Variants in FGF13 observed in about 807,000 individuals in gnomAD.
FGF13 encodes fibroblast growth factor homologous factor 2.
A neutral mutation model predicts 19.5 loss-of-function variants in FGF13; 2 were observed. That is an observed-to-expected ratio of 0.10 (90% confidence interval 0.04 to 0.32). The LOEUF (loss-of-function observed/expected upper bound fraction) is 0.32, where lower values mean the gene tolerates loss of function less well. FGF13 is among the 10% of genes least tolerant of loss of function. The pLI is 1.00. For synonymous variants in FGF13, 72 were observed against 76.9 expected (o/e 0.94, Z 0.33); for missense variants, 113 against 192.7 (o/e 0.59, Z 2.45).
At chrX:139,075,172 A>G in intron 1 of FGF13, among the ~76,000 whole-genome samples, 1 of 112,041 alleles carries the variant, frequency 8.9e-6, no homozygotes, top group East Asian at 2.8e-4. Flanking sequence ...GTAGTAGTCC[A>G]GGATTTGAAC....
At chrX:138,761,834 C>A (rs974218341) in intron 3 of FGF13, among the ~76,000 whole-genome samples, 3 of 111,348 alleles carry the variant, frequency 2.7e-5, no homozygotes, top group Admixed American at 9.6e-5. Flanking sequence ...TCCACGAAAT[C>A]CATCCCCTCC....
At chrX:138,759,804 G>A (rs967324805) in intron 3 of FGF13, among the ~76,000 whole-genome samples, 1 of 111,818 alleles carries the variant, frequency 8.9e-6, no homozygotes, top group Non-Finnish European at 1.9e-5. Context: ...AGCTGTGTAG[G>A]CTTGTTGTGA....
Position 138,844,685 on chromosome X carries a change from C to T in FGF13, c.217+12827G>A, listed in dbSNP as rs764120170. On this transcript the variant is annotated intron_variant, in intron 3 of 6. Transcript: ENST00000436198. Reference sequence around the variant, plus strand: ...CCTTAGACCTCATTCTTTTGGTTTTCCTTCTTTTTCTTCTGGAGTCCTTTC... The same window carrying T: ...CCTTAGACCTCATTCTTTTGGTTTTTCTTCTTTTTCTTCTGGAGTCCTTTC... Among the ~76,000 whole-genome samples the T allele has an allele frequency of 3.6e-5, 4 of 111,506 alleles. No homozygotes were observed. In the South Asian group the frequency reaches 1.5e-3, roughly 42 times the overall value.
intron 1 of FGF13, among the ~76,000 whole-genome samples, chrX:139,174,914 T>G (rs773397542): frequency 8.9e-6 from 1 of 112,121 alleles, no homozygotes; most frequent in Admixed American, 9.4e-5. Context: ...TTAAAGTAGT[T>G]TTTTCTAATT....
At chrX:138,956,812 T>C (rs2091843491) in intron 1 of FGF13, among the ~76,000 whole-genome samples, 1 of 111,716 alleles carries the variant, frequency 9.0e-6, no homozygotes, top group Admixed American at 9.5e-5. Context: ...GTCCAAGCAC[T>C]GAAATTCTGT....
At chrX:138,739,155 AT>A in intron 1 of FGF13, 1 of 576,457 alleles carries the variant, frequency 1.7e-6, no homozygotes, top group Non-Finnish European at 2.9e-6. Context: ...CCCTGGTATA[AT>A]TTTGTTAATT....
intron 1 of FGF13, among the ~76,000 whole-genome samples, chrX:138,927,821 T>TG (rs2091682089): frequency 8.9e-6 from 1 of 111,822 alleles, no homozygotes; most frequent in African/African-American, 3.3e-5. Context: ...TACCATAGAC[T>TG]GGGGGTCTAT....
chrX:139,177,560 C>T lies in FGF13; in HGVS notation c.-113+25856G>A, dbSNP rs184015399. Among the ~76,000 whole-genome samples, 898 of 111,038 alleles carry T rather than the reference C, an allele frequency of 8.1e-3. 28 individuals are homozygous for T. The East Asian group carries it at 0.14, about 18-fold the overall frequency. On this transcript the variant is annotated intron_variant, in intron 1 of 2. Coordinates refer to the FGF13 transcript ENST00000421460. Reference sequence around the variant, plus strand: ...GGTATGTTTTTGCAGTGGCTGGTACCGGTTATTCCTTTCCATGTTTAGTGC... The same window carrying T: ...GGTATGTTTTTGCAGTGGCTGGTACTGGTTATTCCTTTCCATGTTTAGTGC...
chrX:138,811,455 G>T (rs2124037384), intron 3 of FGF13, among the ~76,000 whole-genome samples: 1 of 110,128 alleles, frequency 9.1e-6, no homozygotes, highest in African/African-American at 3.3e-5. Context: ...TGGGGTGGGG[G>T]GAGTGTGGAG....
intron 1 of FGF13, among the ~76,000 whole-genome samples, chrX:138,867,093 C>T (rs1303807045): frequency 1.8e-5 from 2 of 110,950 alleles, no homozygotes; most frequent in Non-Finnish European, 3.8e-5. Context: ...GTGGGAGCAT[C>T]CAGCATAGTG....
intron 1 of FGF13, among the ~76,000 whole-genome samples, chrX:138,908,443 T>C (rs1291259301): frequency 9.3e-6 from 1 of 107,267 alleles, no homozygotes; most frequent in Non-Finnish European, 1.9e-5. Context: ...ATTGACATTA[T>C]ACAAGAGATC....
intron 1 of FGF13, among the ~76,000 whole-genome samples, chrX:138,969,338 A>G (rs2091906651): frequency 9.0e-6 from 1 of 111,360 alleles, no homozygotes; most frequent in Non-Finnish European, 1.9e-5. Flanking sequence ...ACATTTATGG[A>G]GCAAACTCAA....
intron 1 of FGF13, among the ~76,000 whole-genome samples, chrX:138,865,122 C>T (rs7062722): frequency 9.0e-6 from 1 of 111,247 alleles, no homozygotes; most frequent in African/African-American, 3.3e-5. Context: ...GATTGGAGAA[C>T]GACTCTCCCA....
intron 3 of FGF13, among the ~76,000 whole-genome samples, chrX:138,647,624 G>A (rs1280475100): frequency 8.9e-6 from 1 of 111,860 alleles, no homozygotes; most frequent in African/African-American, 3.2e-5. Flanking sequence ...CTGAAATACT[G>A]CAACATTTTA....
At chrX:138,657,585 G>C (rs965452567) in intron 3 of FGF13, among the ~76,000 whole-genome samples, 1 of 111,756 alleles carries the variant, frequency 8.9e-6, no homozygotes, top group Non-Finnish European at 1.9e-5. Context: ...ATGTGATGAC[G>C]GAACTACATT....
intron 3 of FGF13, among the ~76,000 whole-genome samples, chrX:138,845,739 T>C (rs1023528847): frequency 8.9e-6 from 1 of 111,751 alleles, no homozygotes; most frequent in African/African-American, 3.3e-5. Flanking sequence ...ATCCACTAAG[T>C]GAACAGCTTA....
chrX:138,960,160 T>A (rs1603071627), intron 1 of FGF13, among the ~76,000 whole-genome samples: 1 of 111,970 alleles, frequency 8.9e-6, no homozygotes, highest in Admixed American at 9.5e-5. Context: ...TGGCTGGTAC[T>A]GGTTGTTCCT....
At chrX:138,746,587 G>C (rs2090358526) in intron 3 of FGF13, among the ~76,000 whole-genome samples, 1 of 111,723 alleles carries the variant, frequency 9.0e-6, no homozygotes, top group Non-Finnish European at 1.9e-5. Context: ...GGAAGCAACA[G>C]AGAAAAGTAG....
At chrX:138,694,624 T>A (rs956695807) in intron 3 of FGF13, among the ~76,000 whole-genome samples, 9 of 106,602 alleles carry the variant, frequency 8.4e-5, no homozygotes, top group Non-Finnish European at 1.2e-4. Flanking sequence ...CTAATTTTTT[T>A]TTTATTTATT....
Sources: gnomAD v4.1 joint callset for allele counts (sites outside exome capture counted in the v4.1 genomes callset) on GRCh38, gnomAD v4.1.1 for gene constraint, MANE v1.5 for transcripts, NCBI Gene and HGNC (gene_info 2026-07-23, HGNC 2026-07-21) for gene names.